Variants in DOCK9 observed in about 807,000 individuals in gnomAD.
DOCK9 encodes the protein dedicator of cytokinesis 9.
DOCK9 carries 89 observed loss-of-function variants against 263.3 expected under a neutral mutation model. The observed-to-expected ratio is 0.34, with a 90% CI of 0.28 to 0.40. The LOEUF is 0.40. Ranked by LOEUF, DOCK9 falls within the 10% of genes least tolerant of loss-of-function variation. DOCK9 has a pLI of 1.00. For synonymous variants in DOCK9, 976 were observed against 973.1 expected (o/e 1.00, Z -0.06); for missense variants, 2,140 against 2,603.4 (o/e 0.82, Z 3.87).
At chr13:98,840,122 G>A (rs1317900122) in intron 38 of DOCK9, among the ~76,000 whole-genome samples, 1 of 152,230 alleles carries the variant, frequency 6.6e-6, no homozygotes, top group Non-Finnish European at 1.5e-5. Context: ...TGTGCAGGAG[G>A]AGGACTTGAA....
rs1171427684 is a variant in DOCK9 at position 98,977,998 on chromosome 13, A to C, written c.-89T>G. 2 of 1,467,318 alleles carry C rather than the reference A, an allele frequency of 1.4e-6. No homozygotes were observed. Among genetic ancestry groups the C allele is most frequent in the East Asian group, 5.0e-5 (2 of 39,892 alleles). 90.9% of individuals were successfully genotyped at this position (1,467,318 alleles called of 1,614,324 possible). Reference sequence around the variant, plus strand: ...AAGGCACAGGCATGCCAGTGGTCCAAGGAAGGAAAGGAAACTGGCTTCCCA... The same window carrying C: ...AAGGCACAGGCATGCCAGTGGTCCACGGAAGGAAAGGAAACTGGCTTCCCA... On this transcript the variant is annotated 5_prime_UTR_variant, in exon 1 of 53. Transcript: ENST00000682017.
chr13:98,910,829 A>C (rs7986473), intron 9 of DOCK9, among the ~76,000 whole-genome samples: 152,126 of 152,130 alleles, frequency 1, 76,061 homozygotes, highest in Middle Eastern at 1. Flanking sequence ...ACCTCTTCAT[A>C]CCCTGGGTAA....
chr13:99,004,784 G>GACACACACACACAC (rs10533387), intron 1 of DOCK9, among the ~76,000 whole-genome samples: 4 of 148,040 alleles, frequency 2.7e-5, no homozygotes, highest in Non-Finnish European at 6.0e-5. Context: ...AAAAACTATA[G>GACACACACACACAC]ACACACACAC....
intron 1 of DOCK9, among the ~76,000 whole-genome samples, chr13:99,002,412 C>T (rs1266835923): frequency 6.6e-6 from 1 of 152,148 alleles, no homozygotes; most frequent in African/African-American, 2.4e-5. Context: ...TTGAGCATCA[C>T]AGAACACACT....
At chr13:98,809,174 GAA>G in intron 47 of DOCK9, 176 bp downstream of exon 47, 1 of 1,462,520 alleles carries the variant, frequency 6.8e-7, no homozygotes, top group Non-Finnish European at 9.3e-7. Flanking sequence ...AAAAAAAGCA[GAA>G]AGTTTACTAC....
chr13:99,056,455 A>T (rs1206089922), intron 1 of DOCK9, among the ~76,000 whole-genome samples: 2 of 152,230 alleles, frequency 1.3e-5, no homozygotes, highest in Admixed American at 6.5e-5. Flanking sequence ...AAGATAAGTA[A>T]TATTAGTTTA....
intron 1 of DOCK9, among the ~76,000 whole-genome samples, chr13:99,070,345 AATAT>A (rs1260231753): frequency 6.9e-6 from 1 of 143,940 alleles, no homozygotes; most frequent in South Asian, 2.3e-4. Context: ...GAAATCCTAG[AATAT>A]ATAAAAAACA....
At chr13:98,894,491 T>G (rs1350206947) in intron 15 of DOCK9, among the ~76,000 whole-genome samples, 1 of 152,158 alleles carries the variant, frequency 6.6e-6, no homozygotes, top group Admixed American at 6.5e-5. Flanking sequence ...TTTCAAAAAA[T>G]ATAGTAATAC....
At chr13:99,047,890 G>A (rs117174682) in intron 1 of DOCK9, among the ~76,000 whole-genome samples, 9 of 152,008 alleles carry the variant, frequency 5.9e-5, no homozygotes, top group Non-Finnish European at 1.2e-4. Context: ...CAAACTCAAT[G>A]TATTGTTCTC....
chr13:98,851,941 T>C (rs1414670843), intron 35 of DOCK9, among the ~76,000 whole-genome samples: 4 of 151,990 alleles, frequency 2.6e-5, no homozygotes, highest in African/African-American at 4.8e-5. Flanking sequence ...TTGAAGAAAA[T>C]TGAGAGAAAA....
chr13:98,945,015 G>A (rs780930329), intron 2 of DOCK9, among the ~76,000 whole-genome samples: 13 of 152,108 alleles, frequency 8.5e-5, no homozygotes, highest in Non-Finnish European at 1.5e-4. Context: ...TAAGCAAGAT[G>A]GTTTTAAACA....
intron 30 of DOCK9, among the ~76,000 whole-genome samples, chr13:98,865,892 G>A (rs2094006378): frequency 6.6e-6 from 1 of 152,032 alleles, no homozygotes. Flanking sequence ...CCAGGGAGGG[G>A]GCTATTTGAG....
At chr13:98,865,310 G>C (rs1225780663) in intron 30 of DOCK9, among the ~76,000 whole-genome samples, 1 of 152,032 alleles carries the variant, frequency 6.6e-6, no homozygotes, top group Non-Finnish European at 1.5e-5. Context: ...AGGCTCAAGT[G>C]ATCCTCCCAG....
chr13:98,898,768 G>A lies in DOCK9; in HGVS notation c.1504-507C>T, dbSNP rs2047814995. Among the ~76,000 whole-genome samples the A allele has an allele frequency of 1.3e-5, 2 of 152,142 alleles. 1 individual carries two copies. Among genetic ancestry groups the A allele is most frequent in the Admixed American group, 1.3e-4 (2 of 15,278 alleles). On this transcript the variant is annotated intron_variant, in intron 13 of 52. Transcript: ENST00000682017. Reference sequence around the variant, plus strand: ...AGATACTGACTTCAGTTAGGCTGGGGTTCTCAATGCTATATTCTTGCTTTC... The same window carrying A: ...AGATACTGACTTCAGTTAGGCTGGGATTCTCAATGCTATATTCTTGCTTTC...
chr13:99,055,158 T>G (rs1398320794), intron 1 of DOCK9, among the ~76,000 whole-genome samples: 1 of 152,074 alleles, frequency 6.6e-6, no homozygotes. Flanking sequence ...GGTATCTAGT[T>G]AAAGGGTACA....
upstream of DOCK9, among the ~76,000 whole-genome samples, chr13:98,979,239 G>GCAGCAGCAGCAGCA (rs1555439581): frequency 1.7e-4 from 20 of 117,434 alleles, no homozygotes; most frequent in Non-Finnish European, 1.1e-4. Flanking sequence ...TAGCAGCAGC[G>GCAGCAGCAGCAGCA]GCGGCAGCAG....
chr13:98,877,364 A>G (rs2142463182), intron 27 of DOCK9, among the ~76,000 whole-genome samples: 1 of 152,330 alleles, frequency 6.6e-6, no homozygotes, highest in African/African-American at 2.4e-5. Flanking sequence ...TTATTTTCTA[A>G]TGCAATTCTC....
Position 98,954,863 on chromosome 13 carries a change from T to TACACACACACACAC in DOCK9, c.243+558_243+571dup, listed in dbSNP as rs71719426. Among the ~76,000 whole-genome samples the TACACACACACACAC allele has an allele frequency of 4.1e-3, 603 of 146,568 alleles. 5 individuals carry two copies. The highest frequency in any genetic ancestry group is 0.04 in the East Asian group (193 of 4,860). On this transcript the variant is annotated intron_variant, in intron 2 of 52. Coordinates refer to ENST00000682017, the MANE Select transcript of DOCK9 (RefSeq NM_001366683.2). ...CAGAGTATAGCACTTTTATTCAAGATACACACACACACACACACACACACA... is the reference window on the plus strand; with the variant it reads ...CAGAGTATAGCACTTTTATTCAAGATACACACACACACACACACACACACACACACACACACACA...
At chr13:99,073,840 T>C (rs1208333886) in intron 1 of DOCK9, among the ~76,000 whole-genome samples, 2 of 152,242 alleles carry the variant, frequency 1.3e-5, no homozygotes, top group Non-Finnish European at 2.9e-5. Flanking sequence ...ATCTGGGAGC[T>C]TGTATGCTGC....
Sources: allele counts gnomAD v4.1 joint callset (sites outside exome capture counted in the v4.1 genomes callset), GRCh38; gene constraint gnomAD v4.1.1; transcripts MANE v1.5; gene names NCBI Gene and HGNC (gene_info 2026-07-23, HGNC 2026-07-21).